CDH19: variants seen among roughly 807,000 people sequenced by gnomAD.
CDH19 encodes the protein cadherin-19.
In CDH19, 67 loss-of-function variants were observed where a neutral mutation model predicts 64.2. The observed-to-expected ratio is 1.04, with a 90% CI of 0.86 to 1.28. CDH19 has a LOEUF of 1.28. Among genes scored for constraint, CDH19 ranks in the 50% most tolerant of loss-of-function variants. CDH19 has a pLI of 0.00. For missense variants in CDH19, 1,030 were observed against 929.0 expected, an observed-to-expected ratio of 1.11 and a Z score of -1.41; for synonymous variants, 346 against 319.3, an observed-to-expected ratio of 1.08 and a Z score of -0.89.
At position 66,501,139 on chromosome 18, in the gene CDH19, C is replaced by A. The variant is rs1228203738; in HGVS notation, c.*3673G>T. ...TTCTATAAAAATAGTCAATGGAAACCAAAAGAATTTCTACAAGTCACTAAG... is the reference window on the plus strand; with the variant it reads ...TTCTATAAAAATAGTCAATGGAAACAAAAAGAATTTCTACAAGTCACTAAG... On this transcript the variant is annotated 3_prime_UTR_variant, in exon 12 of 12. Transcript: ENST00000262150. 1.3e-5 allele frequency: 2 copies of A among 151,860 alleles called. No individual in the cohort carries two copies. Among genetic ancestry groups the A allele is most frequent in the African/African-American group, 4.8e-5 (2 of 41,340 alleles). The allele number at this position is 151,860 out of a possible 1,614,324, so 9.4% of individuals were successfully genotyped here.
chr18:66,536,936 A>G (rs1986697837), intron 7 of CDH19, among the ~76,000 whole-genome samples: 1 of 151,864 alleles, frequency 6.6e-6, no homozygotes, highest in African/African-American at 2.4e-5. Flanking sequence ...ATGTACCATC[A>G]TGACCTCAGC....
rs758691241 is a variant in CDH19 at position 66,511,701 on chromosome 18, G to A, written c.1459-16C>T. Reference sequence around the variant, plus strand: ...TCTGAATTACCTAAAAAAAAAGGGGGATAGATTTTTGTTGTTGTTTGGATT... The same window carrying A: ...TCTGAATTACCTAAAAAAAAAGGGGAATAGATTTTTGTTGTTGTTTGGATT... On this transcript the variant is annotated splice_polypyrimidine_tract_variant and intron_variant, in intron 9 of 11. Coordinates refer to ENST00000262150, the MANE Select transcript of CDH19 (RefSeq NM_021153.4). 4 of 1,232,312 alleles carry A rather than the reference G, an allele frequency of 3.2e-6. No individual in the cohort carries two copies. Among genetic ancestry groups the A allele is most frequent in the East Asian group, 2.4e-5 (1 of 42,526 alleles). The allele number at this position is 1,232,312 out of a possible 1,614,324, so 76.3% of individuals were successfully genotyped here.
chr18:66,582,061 A>G (rs1039795236), intron 1 of CDH19, among the ~76,000 whole-genome samples: 2 of 152,162 alleles, frequency 1.3e-5, no homozygotes, highest in Admixed American at 6.6e-5. Context: ...AAAAAAATGC[A>G]TAAATATCTA....
In CDH19 at chr18:66,564,929, A is replaced by G. The variant is rs1211067927; in HGVS notation, c.490+3487T>C. Among the ~76,000 whole-genome samples, 6 of 151,464 alleles carry G rather than the reference A, an allele frequency of 4.0e-5. No homozygotes were observed. In the South Asian group the frequency reaches 1.2e-3, roughly 32 times the overall value. ...CTAGCAAATATTACTGAAATGGAAG[A>G]TTACATATTTGATAGGCTGGCTATT... On this transcript the variant is annotated intron_variant, in intron 3 of 11. Coordinates refer to ENST00000262150, the MANE Select transcript of CDH19 (RefSeq NM_021153.4).
chr18:66,570,151 T>C (rs1214446754), intron 2 of CDH19, among the ~76,000 whole-genome samples: 1 of 151,630 alleles, frequency 6.6e-6, no homozygotes, highest in African/African-American at 2.4e-5. Context: ...GTATGGTTCA[T>C]ATTTTTAAAT....
chr18:66,523,741 C>A (rs978477393), intron 9 of CDH19, among the ~76,000 whole-genome samples: 1 of 151,784 alleles, frequency 6.6e-6, no homozygotes, highest in African/African-American at 2.4e-5. Context: ...CCACACAAAT[C>A]CCCACACGTC....
intron 1 of CDH19, among the ~76,000 whole-genome samples, chr18:66,599,444 G>A (rs187424865): frequency 6.6e-6 from 1 of 152,162 alleles, no homozygotes; most frequent in Non-Finnish European, 1.5e-5. Flanking sequence ...ATCTCAGACA[G>A]GAGGAGTATG....
At position 66,554,526 on chromosome 18, in the gene CDH19, T is replaced by C; in HGVS notation, c.491-2A>G. ...CTGTCACCTGGATAACTAATGTTCC[T>C]AAAGAGAACATAATACAGGAAATTA... On this transcript the variant is annotated splice_acceptor_variant, in intron 3 of 11. Transcript: ENST00000262150. LOFTEE classifies it high-confidence loss of function. 6.2e-7 allele frequency: 1 copy of C among 1,609,382 alleles called. No individual in the cohort carries two copies. The highest frequency in any genetic ancestry group is 8.5e-7 in the Non-Finnish European group (1 of 1,176,868).
intron 1 of CDH19, among the ~76,000 whole-genome samples, chr18:66,583,121 C>T (rs574127185): frequency 7.9e-5 from 12 of 151,956 alleles, no homozygotes; most frequent in Non-Finnish European, 1.8e-4. Context: ...TTAATTATGT[C>T]TTTACCATCT....
At chr18:66,530,575 T>C (rs1038915875) in intron 8 of CDH19, among the ~76,000 whole-genome samples, 1 of 152,060 alleles carries the variant, frequency 6.6e-6, no homozygotes, top group African/African-American at 2.4e-5. Context: ...TGAGAAGATT[T>C]TCTAAGTGAG....
chr18:66,594,373 A>G (rs1249667435), intron 1 of CDH19, among the ~76,000 whole-genome samples: 1 of 152,134 alleles, frequency 6.6e-6, no homozygotes, highest in African/African-American at 2.4e-5. Flanking sequence ...GAAAACTAAT[A>G]AAGATATTCA....
At chr18:66,582,295 T>C (rs1988446353) in intron 1 of CDH19, among the ~76,000 whole-genome samples, 1 of 152,052 alleles carries the variant, frequency 6.6e-6, no homozygotes, top group Admixed American at 6.6e-5. Flanking sequence ...AGACATAAGT[T>C]GAAGCTGGGA....
At chr18:66,563,685 C>G (rs1987804484) in intron 3 of CDH19, among the ~76,000 whole-genome samples, 1 of 151,940 alleles carries the variant, frequency 6.6e-6, no homozygotes, top group South Asian at 2.1e-4. Flanking sequence ...TACTGACTGA[C>G]CCATTCTTGC....
At chr18:66,571,388 T>G (rs916477907) in intron 2 of CDH19, among the ~76,000 whole-genome samples, 1 of 151,656 alleles carries the variant, frequency 6.6e-6, no homozygotes, top group Non-Finnish European at 1.5e-5. Context: ...GAAAAAGCCT[T>G]ATGGAAAAGG....
Position 66,529,868 on chromosome 18 carries a change from A to C in CDH19, c.1435T>G (p.Cys479Gly). ...ACCTGACCAGAGCCTGCATTTTCAC[A>C]AACATAAGTCTCATAGTATTGAGAG... is the stretch of plus-strand genomic sequence containing the variant. ...EFSQYYETYV[C>G]ENAGSGQVIQ... The change falls in exon 9 of 12, where the codon TGT becomes GGT. Residue 479 changes from cysteine to glycine, a missense_variant. Coordinates refer to ENST00000262150, the MANE Select transcript of CDH19 (RefSeq NM_021153.4). 6.3e-7 allele frequency: 1 copy of C among 1,594,818 alleles called. No homozygotes were observed. The highest frequency in any genetic ancestry group is 8.6e-7 in the Non-Finnish European group (1 of 1,169,162).
intron 5 of CDH19, among the ~76,000 whole-genome samples, chr18:66,548,382 GT>G (rs35130149): frequency 0.63 from 94,447 of 150,926 alleles, 30,668 homozygotes; most frequent in African/African-American, 0.79. Flanking sequence ...CCCAGAGGTG[GT>G]TATGTAAAGC....
chr18:66,570,684 A>G (rs181445171), intron 2 of CDH19, among the ~76,000 whole-genome samples: 1 of 151,818 alleles, frequency 6.6e-6, no homozygotes, highest in African/African-American at 2.4e-5. Context: ...GTGTAGCAGA[A>G]AAACATTTTT....
At chr18:66,534,103 A>C (rs1598988755) in intron 8 of CDH19, among the ~76,000 whole-genome samples, 1 of 152,196 alleles carries the variant, frequency 6.6e-6, no homozygotes, top group East Asian at 1.9e-4. Flanking sequence ...AAATGAAAAA[A>C]AAAAATTGTT....
intron 1 of CDH19, among the ~76,000 whole-genome samples, chr18:66,578,253 A>G (rs1988322684): frequency 6.6e-6 from 1 of 152,000 alleles, no homozygotes; most frequent in Admixed American, 6.6e-5. Flanking sequence ...TCTTGTATTC[A>G]GAGTGTACAA....
Sources: gnomAD v4.1 joint callset for allele counts (sites outside exome capture counted in the v4.1 genomes callset) on GRCh38, gnomAD v4.1.1 for gene constraint, MANE v1.5 for transcripts, NCBI Gene and HGNC (gene_info 2026-07-23, HGNC 2026-07-21) for gene names.